The following TSC2 variants were observed in gnomAD, a reference collection of about 807,000 sequenced individuals.
The protein encoded by TSC2 is TSC complex subunit 2.
In TSC2, 29 loss-of-function variants were observed where a neutral mutation model predicts 202.2. That is an observed-to-expected ratio of 0.14 (90% confidence interval 0.11 to 0.20). The LOEUF is 0.20. TSC2 is among the 10% of genes least tolerant of loss of function. The probability of loss-of-function intolerance (pLI) is 1.00; values close to 1 mark genes in which losing one functional copy is unlikely to be tolerated. For missense variants in TSC2, 2,429 were observed against 2,420.0 expected (o/e 1.00, Z -0.08); for synonymous variants, 1,349 against 1,044.0 (o/e 1.29, Z -5.63).
chr16:2,074,568 G>A, intron 22 of TSC2, 179 bp downstream of exon 22: 1 of 755,562 alleles, frequency 1.3e-6, no homozygotes, highest in Non-Finnish European at 2.2e-6. Context: ...CTGGCTTTGA[G>A]GGGCGGCTCC....
rs56725934 is a variant in TSC2 at position 2,080,025 on chromosome 16, C to T, written c.3398-140C>T. 6,469 of 1,170,806 alleles carry T rather than the reference C, an allele frequency of 5.5e-3. 249 individuals are homozygous for T. In the African/African-American group the frequency reaches 0.083, roughly 15 times the overall value. The allele number at this position is 1,170,806 out of a possible 1,614,324, so 72.5% of individuals were successfully genotyped here. On this transcript the variant is annotated intron_variant, in intron 29 of 41. Coordinates refer to ENST00000219476, the MANE Select transcript of TSC2 (RefSeq NM_000548.5). ...CACTGAGGCCAGCACTGTGGTGGGC[C>T]GTGCCCCAAGGGCAGAGCTGCCACC...
chr16:2,062,749 G>C, intron 13 of TSC2, 149 bp downstream of exon 13: 1 of 990,886 alleles, frequency 1.0e-6, no homozygotes, highest in South Asian at 1.4e-5. Flanking sequence ...GCAGGTGCTA[G>C]CTTGCTTTCC....
chr16:2,048,020 C>G lies in TSC2; in HGVS notation c.-75C>G, dbSNP rs919894835. On this transcript the variant is annotated 5_prime_UTR_variant, in exon 1 of 42. Coordinates refer to ENST00000219476, the MANE Select transcript of TSC2 (RefSeq NM_000548.5). ...GCGTCCCGGGGCCAGGGGGGTGCGC[C>G]TTTCTCCGCGTCGGGGCGGCCCGGA... The G allele has an allele frequency of 5.5e-6, 8 of 1,454,998 alleles. No individual in the cohort carries two copies. Among genetic ancestry groups the G allele is most frequent in the Middle Eastern group, 1.8e-4 (1 of 5,418 alleles). 90.1% of individuals were successfully genotyped at this position (1,454,998 alleles called of 1,614,324 possible).
chr16:2,076,952 A>T, intron 25 of TSC2, among the ~76,000 whole-genome samples: 1 of 152,198 alleles, frequency 6.6e-6, no homozygotes, highest in East Asian at 1.9e-4. Flanking sequence ...GCCTTGCCGG[A>T]CCGCAAAGAG....
At chr16:2,083,023 G>C (rs2090325816) in intron 32 of TSC2, 2 of 441,430 alleles carry the variant, frequency 4.5e-6, no homozygotes, top group Non-Finnish European at 9.1e-6. Context: ...TCCCCTGCCA[G>C]GTCTCCACGT....
chr16:2,088,343 C>T lies in TSC2; in HGVS notation c.5259+18C>T, dbSNP rs1469369674. On this transcript the variant is annotated intron_variant, in intron 41 of 41. Coordinates refer to ENST00000219476, the MANE Select transcript of TSC2 (RefSeq NM_000548.5). ...GCCAGCGGGTAGGGAATATGGGGCT[C>T]CCTCAGCGGGGTGTGCTGGCTGCCC... The T allele has an allele frequency of 1.2e-6, 2 of 1,612,494 alleles. No homozygotes were observed. Among genetic ancestry groups the T allele is most frequent in the Non-Finnish European group, 1.7e-6 (2 of 1,179,998 alleles).
At chr16:2,048,357 C>A in intron 1 of TSC2, 2 of 877,696 alleles carry the variant, frequency 2.3e-6, no homozygotes, top group Non-Finnish European at 3.7e-6. Context: ...GCGGGGCGGG[C>A]GGCAGCGTCT....
intron 3 of TSC2, among the ~76,000 whole-genome samples, chr16:2,051,259 G>T (rs1038952819): frequency 2.0e-5 from 3 of 151,574 alleles, no homozygotes; most frequent in African/African-American, 7.3e-5. Flanking sequence ...GGCACAGGTT[G>T]CAGTGAGCCG....
rs1800748 is a variant in TSC2, at chr16:2,058,754, A to G, written c.856A>G (p.Met286Val). ...TCTGGGGAACACTTTTAGAGCCTACATGGAGGACGCGCCCCTGCTGAGAGG... is the reference window on the plus strand; with the variant it reads ...TCTGGGGAACACTTTTAGAGCCTACGTGGAGGACGCGCCCCTGCTGAGAGG... Reference protein sequence around the residue: ...MCHLMEDRAYMEDAPLLRGAV... With the variant: ...MCHLMEDRAYVEDAPLLRGAV... Residue 286 changes from methionine (M) to valine (V), a missense_variant, in exon 10 of 42, where the codon ATG becomes GTG. By Grantham distance (21) the Met-to-Val change is conservative. Coordinates refer to ENST00000219476, the MANE Select transcript of TSC2 (RefSeq NM_000548.5). 1,722 of 1,582,982 alleles carry G rather than the reference A, an allele frequency of 1.1e-3. 16 individuals are homozygous for G. The East Asian group carries it at 0.018, about 17-fold the overall frequency.
At chr16:2,050,656 A>G (rs961913823) in intron 3 of TSC2, among the ~76,000 whole-genome samples, 170 bp downstream of exon 3, 2 of 147,934 alleles carry the variant, frequency 1.4e-5, no homozygotes, top group East Asian at 2.0e-4. Context: ...GGCTGGCACA[A>G]TCTTGGCTCA....
chr16:2,077,874 A>G, intron 26 of TSC2, 148 bp downstream of exon 26: 1 of 1,408,910 alleles, frequency 7.1e-7, no homozygotes, highest in East Asian at 2.4e-5. Context: ...CGAGGGGTGG[A>G]AAGGTTGCAT....
intron 4 of TSC2, chr16:2,053,925 C>T: frequency 2.3e-6 from 1 of 443,700 alleles, no homozygotes; most frequent in East Asian, 5.2e-5. Flanking sequence ...AAGGGCCGTC[C>T]ACTCTCACAG....
intron 31 of TSC2, 98 bp downstream of exon 31, chr16:2,081,896 C>CGGCT: frequency 6.7e-7 from 1 of 1,490,424 alleles, no homozygotes; most frequent in Admixed American, 1.9e-5. Flanking sequence ...GGCGCCCACA[C>CGGCT]GGCTGGGAGT....
intron 16 of TSC2, among the ~76,000 whole-genome samples, chr16:2,070,016 C>T (rs979258977): frequency 1.3e-5 from 2 of 152,182 alleles, no homozygotes; most frequent in Non-Finnish European, 2.9e-5. Context: ...GCAAAGGGTC[C>T]CTCAGGCCAG....
chr16:2,083,739 G>A lies in TSC2; in HGVS notation c.3928G>A (p.Val1310Met), dbSNP rs1046522975. The change falls in exon 33 of 42, where the codon GTG (valine) becomes ATG (methionine). Residue 1310 changes from valine (V) to methionine (M), a missense_variant. By Grantham distance (21) the Val-to-Met change is conservative (BLOSUM62 1). Coordinates refer to ENST00000219476, the MANE Select transcript of TSC2 (RefSeq NM_000548.5). ...GGAGGGAAGTCCGGGCGAGGTTCCT[G>A]TGCTGGTGGAGCCCCCAGGGTTGGA... Reference protein sequence around the residue: ...MEEGSPGEVPVLVEPPGLEDV... With the variant: ...MEEGSPGEVPMLVEPPGLEDV... 3.7e-6 allele frequency: 6 copies of A among 1,605,468 alleles called. No homozygotes were observed. The highest frequency in any genetic ancestry group is 4.5e-5 in the East Asian group (2 of 44,622).
rs397515318 is a variant in TSC2 at position 2,088,448 on chromosome 16, C to A, written c.5262C>A (p.Ile1754=). The A allele has an allele frequency of 1.2e-5, 19 of 1,612,692 alleles. No homozygotes were observed. The highest frequency in any genetic ancestry group is 2.7e-5 in the African/African-American group (2 of 74,920). ...GCCCAAGCCGCCTCTGCCTTCAGAT[C>A]TGCGAGGAAGCCGCCTACTCCAACC... ...LRHIKRLRQR[I]CEEAAYSNPS... The change falls in exon 42 of 42, where the codon ATC becomes ATA. Residue 1754 remains isoleucine (I), a splice_region_variant and synonymous_variant. Coordinates refer to ENST00000219476, the MANE Select transcript of TSC2 (RefSeq NM_000548.5).
At chr16:2,054,736 G>A (rs1227792166) in intron 5 of TSC2, 1 of 498,526 alleles carries the variant, frequency 2.0e-6, no homozygotes, top group Non-Finnish European at 3.7e-6. Flanking sequence ...TCACTGGGAG[G>A]TGGTGCTGCT....
chr16:2,080,121 C>T (rs1371265930), intron 29 of TSC2, 44 bp from the exon 30 acceptor site: 1 of 1,608,764 alleles, frequency 6.2e-7, no homozygotes, highest in South Asian at 1.1e-5. Context: ...GGTGGTTTTG[C>T]ATCAGGTAAG....
chr16:2,054,388 C>T lies in TSC2; in HGVS notation c.429C>T (p.Phe143=), dbSNP rs137854406. Residue 143 remains phenylalanine, a synonymous_variant, in exon 5 of 42, where the codon TTC becomes TTT. Transcript: ENST00000219476. ...NEDLHERLEV[F]KALTDNGRHI... ...ACCTTCACGAAAGGCTGGAGGTTTT[C>T]AAGGCCCTCACAGACAATGGGAGAC... 6 of 1,614,122 alleles carry T rather than the reference C, an allele frequency of 3.7e-6. No individual in the cohort carries two copies. The highest frequency in any genetic ancestry group is 5.1e-6 in the Non-Finnish European group (6 of 1,180,050).
Sources: gnomAD v4.1 joint callset for allele counts (sites outside exome capture counted in the v4.1 genomes callset) on GRCh38, gnomAD v4.1.1 for gene constraint, MANE v1.5 for transcripts, NCBI Gene and HGNC (gene_info 2026-07-23, HGNC 2026-07-21) for gene names.